MAMDC4: variants seen among roughly 807,000 people sequenced by gnomAD.
The protein encoded by MAMDC4 is apical endosomal glycoprotein.
A neutral mutation model predicts 153.3 loss-of-function variants in MAMDC4; 168 were observed. That is an observed-to-expected ratio of 1.10 (90% CI 0.97 to 1.25). The LOEUF (loss-of-function observed/expected upper bound fraction) is 1.25. MAMDC4 is among the 50% of genes most tolerant of loss of function. The pLI is 0.00. For synonymous variants in MAMDC4, 744 were observed against 651.5 expected (o/e 1.14, Z -2.16); for missense variants, 1,701 against 1,542.8 (o/e 1.10, Z -1.72).
intron 24 of MAMDC4, 25 bp downstream of exon 24, chr9:136,859,157 C>T (rs1161019315): frequency 1.3e-6 from 2 of 1,577,156 alleles, no homozygotes; most frequent in Admixed American, 1.8e-5. Flanking sequence ...GGGCAAGGAG[C>T]CTCCTCCTCC....
chr9:136,858,706 CTCT>C lies in MAMDC4; in HGVS notation c.2822-11_2822-9del, dbSNP rs1849044029. 6.2e-7 allele frequency: 1 copy of C among 1,611,930 alleles called. No homozygotes were observed. Among genetic ancestry groups the C allele is most frequent in the Non-Finnish European group, 8.5e-7 (1 of 1,179,712 alleles). ...TGCCCATCAGCTGGGCATCAGCCTC[CTCT>C]TGTTCCCAGGCCACTTTGCCTTCTT... On this transcript the variant is annotated splice_polypyrimidine_tract_variant and intron_variant, in intron 22 of 26. Transcript: ENST00000317446.
Position 136,857,493 on chromosome 9 carries a change from C to T in MAMDC4, c.2233C>T (p.Pro745Ser), listed in dbSNP as rs752430972. 1 of 1,609,988 alleles carries T rather than the reference C, an allele frequency of 6.2e-7. No homozygotes were observed. The highest frequency in any genetic ancestry group is 2.2e-5 in the East Asian group (1 of 44,878). The change falls in exon 18 of 27, where the codon CCT becomes TCT. Residue 745 changes from proline (P) to serine (S), a missense_variant. Coordinates refer to ENST00000317446, the MANE Select transcript of MAMDC4 (RefSeq NM_206920.3). ...TGAGGACTCAGACTGCGGCTTCTCC[C>T]CTGGAGGCCAAGGTCTCTGGAGGCG... ...SFEDSDCGFS[P>S]GGQGLWRRQA...
rs1848950650 is a variant in MAMDC4, at chr9:136,853,159, T to C, written c.104T>C (p.Val35Ala). The part of the protein sequence containing the change: ...PNHCRSPGQA[V>A]CNFVCDCRDC... ...CACTGCAGGAGCCCTGGCCAGGCCG[T>C]GTGCAACTTCGTGTGTGACTGCAGG... is the stretch of plus-strand genomic sequence containing the variant. The change falls in exon 2 of 27, where the codon GTG (valine) becomes GCG (alanine). Residue 35 changes from valine to alanine, a missense_variant. Transcript: ENST00000317446. 4 of 1,612,812 alleles carry C rather than the reference T, an allele frequency of 2.5e-6. No homozygotes were observed. Among genetic ancestry groups the C allele is most frequent in the South Asian group, 2.2e-5 (2 of 91,084 alleles).
rs1849062055 is a variant in MAMDC4, at chr9:136,859,968, TGGG to T, written c.3279_3281del (p.Gly1094del). 2.5e-6 allele frequency: 4 copies of T among 1,612,874 alleles called. No homozygotes were observed. The highest frequency in any genetic ancestry group is 3.4e-6 in the Non-Finnish European group (4 of 1,179,896). On this transcript the variant is annotated inframe_deletion, in exon 26 of 27. Transcript: ENST00000317446. ...TCATGCTCCTGGTGCTGCTGGGACT[TGGG>T]GGACGGCGCTGGCTGCAGAAGAAGG...
chr9:136,854,544 C>T lies in MAMDC4; in HGVS notation c.802C>T (p.His268Tyr). The T allele has an allele frequency of 6.2e-7, 1 of 1,604,776 alleles. No homozygotes were observed. The highest frequency in any genetic ancestry group is 1.3e-5 in the African/African-American group (1 of 74,774). ...ACGCCCACCTCCTGCCCTAGGCCGC[C>T]ACATAGCCACCGACTTTGAGACAGG... ...SDENPLTCGR[H>Y]IATDFETGLG... The change falls in exon 8 of 27, where the codon CAC (histidine) becomes TAC (tyrosine). Residue 268 changes from histidine (H) to tyrosine (Y), a missense_variant. His to Tyr is a moderately conservative substitution (Grantham distance 83). Coordinates refer to ENST00000317446, the MANE Select transcript of MAMDC4 (RefSeq NM_206920.3).
chr9:136,859,282 C>A lies in MAMDC4; in HGVS notation c.3158C>A (p.Ala1053Asp). ...GCCCTGGATGACGTGGAGTATCTGG[C>A]TGGGCAGCATTGCCAGCAGCCTGCC... ...PIALDDVEYL[A>D]GQHCQQPAPS... is the part of the protein sequence containing the mutation. The change falls in exon 25 of 27, where the codon GCT becomes GAT. Residue 1053 changes from alanine (A) to aspartate (D), a missense_variant. Coordinates refer to ENST00000317446, the MANE Select transcript of MAMDC4 (RefSeq NM_206920.3). 6.2e-7 allele frequency: 1 copy of A among 1,611,936 alleles called. No homozygotes were observed. Among genetic ancestry groups the A allele is most frequent in the Middle Eastern group, 1.7e-4 (1 of 6,044 alleles).
rs1848966885 is a variant in MAMDC4 at position 136,854,058 on chromosome 9, T to C, written c.652T>C (p.Trp218Arg). 1 of 1,612,720 alleles carries C rather than the reference T, an allele frequency of 6.2e-7. No homozygotes were observed. Among genetic ancestry groups the C allele is most frequent in the South Asian group, 1.1e-5 (1 of 91,088 alleles). ...GAVALDDLEF[W>R]DCGLPTPQAN... Reference sequence around the variant, plus strand: ...TGTGGCTCTAGATGACCTAGAGTTCTGGGACTGTGGTCTGCCCAGTAAGGC... The same window carrying C: ...TGTGGCTCTAGATGACCTAGAGTTCCGGGACTGTGGTCTGCCCAGTAAGGC... Residue 218 changes from tryptophan (W) to arginine (R), a missense_variant, in exon 6 of 27, where the codon TGG becomes CGG. By Grantham distance (101) the Trp-to-Arg change is moderately radical. Coordinates refer to ENST00000317446, the MANE Select transcript of MAMDC4 (RefSeq NM_206920.3).
At chr9:136,852,631 C>T (rs1848942805) in intron 1 of MAMDC4, among the ~76,000 whole-genome samples, 169 bp downstream of exon 1, 1 of 152,186 alleles carries the variant, frequency 6.6e-6, no homozygotes, top group African/African-American at 2.4e-5. Flanking sequence ...TGGAATCAGC[C>T]CATGGGGTCC....
In MAMDC4 at chr9:136,855,015, C is replaced by A. The variant is rs766243011; in HGVS notation, c.1102C>A (p.Pro368Thr). Residue 368 changes from proline (P) to threonine (T), a missense_variant, in exon 10 of 27, where the codon CCC (proline) becomes ACC (threonine). Coordinates refer to ENST00000317446, the MANE Select transcript of MAMDC4 (RefSeq NM_206920.3). ...LFLQTLGPGA[P>T]RAPVLLRRRR... ...CCTGCAGACTCTGGGGCCCGGCGCC[C>A]CCCGGGCCCCCGTCCTGCTGCGGAG... The A allele has an allele frequency of 3.7e-6, 6 of 1,600,916 alleles. No homozygotes were observed. The Admixed American group carries it at 5.3e-5, about 14-fold the overall frequency.
At position 136,858,944 on chromosome 9, in the gene MAMDC4, CT is replaced by C. The variant is rs1286054072; in HGVS notation, c.2957-60del. 8.5e-6 allele frequency: 13 copies of C among 1,525,208 alleles called. No homozygotes were observed. In the East Asian group the frequency reaches 3.0e-4, roughly 36 times the overall value. The allele number at this position is 1,525,208 out of a possible 1,614,324, so 94.5% of individuals were successfully genotyped here. A position where few individuals can be genotyped will look rare whatever the true frequency, so the allele number is the denominator to read the frequency against. Reference sequence around the variant, plus strand: ...GGGAGGTGGCCTCCCCAGCCCGCCCCTGGTTAGGCGTGCAGGAGCCCCAGGA... The same window carrying C: ...GGGAGGTGGCCTCCCCAGCCCGCCCCGGTTAGGCGTGCAGGAGCCCCAGGA... On this transcript the variant is annotated intron_variant, in intron 23 of 26. Transcript: ENST00000317446.
intron 26 of MAMDC4, among the ~76,000 whole-genome samples, chr9:136,860,304 G>C (rs1220331064): frequency 6.6e-6 from 1 of 152,188 alleles, no homozygotes; most frequent in Non-Finnish European, 1.5e-5. Context: ...CGGATCACCT[G>C]AGGTCAGGAG....
chr9:136,853,468 G>A lies in MAMDC4; in HGVS notation c.328+10G>A. 5 of 1,607,386 alleles carry A rather than the reference G, an allele frequency of 3.1e-6. No individual in the cohort carries two copies. The highest frequency in any genetic ancestry group is 3.4e-6 in the Non-Finnish European group (4 of 1,176,218). ...CTGGGCACCGACTTGGGTGAGGCCA[G>A]GGCAAGTCTCTGTGCGCCCCTGTCC... On this transcript the variant is annotated intron_variant, in intron 3 of 26. Transcript: ENST00000317446.
At chr9:136,856,368 G>GCC in intron 14 of MAMDC4, 1 of 894,792 alleles carries the variant, frequency 1.1e-6, no homozygotes, top group African/African-American at 1.6e-5. Context: ...GGGGCCCGCC[G>GCC]CCGGCCCTTC....
At chr9:136,857,894 C>A (rs1390856318) in intron 19 of MAMDC4, 85 bp from the exon 20 acceptor site, 6 of 1,489,898 alleles carry the variant, frequency 4.0e-6, no homozygotes, top group African/African-American at 1.4e-5. Context: ...CCTCTTGCGC[C>A]CGCCAGGCTG....
Position 136,858,409 on chromosome 9 carries a change from A to AT in MAMDC4, c.2688dup (p.Glu897Ter), listed in dbSNP as rs770183886. The stretch of plus-strand genomic sequence containing the variant: ...CACCCATGTCCTGCAGGTTCCTGTG[A>AT]TTTTGAGTCTGGCCTGTGTGGCTGG... On this transcript the variant is annotated frameshift_variant, in exon 22 of 27. Coordinates refer to ENST00000317446, the MANE Select transcript of MAMDC4 (RefSeq NM_206920.3). LOFTEE classifies it high-confidence loss of function. 6.2e-6 allele frequency: 10 copies of AT among 1,602,954 alleles called. No individual in the cohort carries two copies. The Admixed American group carries it at 8.3e-5, about 13-fold the overall frequency.
rs750883676 is a variant in MAMDC4 at position 136,855,849 on chromosome 9, G to C, written c.1588+1G>C. 1.5e-5 allele frequency: 23 copies of C among 1,503,076 alleles called. No homozygotes were observed. The highest frequency in any genetic ancestry group is 2.0e-5 in the Non-Finnish European group (22 of 1,125,212). The allele number at this position is 1,503,076 out of a possible 1,614,324, so 93.1% of individuals were successfully genotyped here. On this transcript the variant is annotated splice_donor_variant, in intron 13 of 26. Transcript: ENST00000317446. LOFTEE classifies it high-confidence loss of function. Reference sequence around the variant, plus strand: ...CAGGGGTCCAGTGCAGCTGCTGCTGGTGAGGCCCAAGGCCCAAGGCTCAAG... The same window carrying C: ...CAGGGGTCCAGTGCAGCTGCTGCTGCTGAGGCCCAAGGCCCAAGGCTCAAG...
Position 136,856,970 on chromosome 9 carries a change from C to A in MAMDC4, c.1901C>A (p.Ser634Tyr). 3 of 1,612,572 alleles carry A rather than the reference C, an allele frequency of 1.9e-6. No individual in the cohort carries two copies. The highest frequency in any genetic ancestry group is 3.3e-4 in the Middle Eastern group (2 of 6,052). Residue 634 changes from serine to tyrosine, a missense_variant, in exon 16 of 27, where the codon TCC becomes TAC. Coordinates refer to ENST00000317446, the MANE Select transcript of MAMDC4 (RefSeq NM_206920.3). ...LAWGHSAHLL[S>Y]RPQVPAAPTE... ...TGGGGCCACAGTGCCCACCTGCTCT[C>A]CAGGCCCCAGGTGCCAGCAGCACCC...
In MAMDC4 at chr9:136,853,561, T is replaced by C. The variant is rs1393935901; in HGVS notation, c.345T>C (p.Val115=). The change falls in exon 4 of 27, where the codon GTT becomes GTC. Residue 115 remains valine, a synonymous_variant. Coordinates refer to ENST00000317446, the MANE Select transcript of MAMDC4 (RefSeq NM_206920.3). ...CTGCGCCAGGCTGGTACATGGCCGT[T>C]GGAACCCACCGAGGGAAAGAGGCAT... ...LGTDLGWYMA[V]GTHRGKEAST... 1 of 1,612,662 alleles carries C rather than the reference T, an allele frequency of 6.2e-7. No individual in the cohort carries two copies. Among genetic ancestry groups the C allele is most frequent in the East Asian group, 2.2e-5 (1 of 44,878 alleles).
Position 136,854,814 on chromosome 9 carries a change from C to T in MAMDC4, c.987C>T (p.Ser329=). 1 of 1,612,848 alleles carries T rather than the reference C, an allele frequency of 6.2e-7. No individual in the cohort carries two copies. Among genetic ancestry groups the T allele is most frequent in the Non-Finnish European group, 8.5e-7 (1 of 1,179,878 alleles). ...CTGGCACCCCTGCTATACTCTCCAG[C>T]CCCGAATTCCAAGCCTCAGGCACCT... ...AEPGTPAILS[S]PEFQASGTSN... The change falls in exon 9 of 27, where the codon AGC becomes AGT. Residue 329 remains serine, a synonymous_variant. Coordinates refer to ENST00000317446, the MANE Select transcript of MAMDC4 (RefSeq NM_206920.3).
Sources: allele counts gnomAD v4.1 joint callset (sites outside exome capture counted in the v4.1 genomes callset), GRCh38; gene constraint gnomAD v4.1.1; transcripts MANE v1.5; gene names NCBI Gene and HGNC (gene_info 2026-07-23, HGNC 2026-07-21).